FGF12: variants seen among roughly 807,000 people sequenced by gnomAD.
FGF12 encodes fibroblast growth factor 12.
A neutral mutation model predicts 23.6 loss-of-function variants in FGF12; 14 were observed. That is an observed-to-expected ratio of 0.59 (90% confidence interval 0.39 to 0.93). The LOEUF (loss-of-function observed/expected upper bound fraction) is 0.93, where lower values mean the gene tolerates loss of function less well. Ranked by LOEUF, FGF12 falls within the 40% of genes least tolerant of loss-of-function variation. FGF12 has a pLI of 0.00. For synonymous variants in FGF12, 62 were observed against 77.3 expected, an observed-to-expected ratio of 0.80 and a Z score of 1.04; for missense variants, 175 against 217.8, an observed-to-expected ratio of 0.80 and a Z score of 1.24.
At chr3:192,247,642 TC>T (rs1711711044) in intron 4 of FGF12, among the ~76,000 whole-genome samples, 1 of 152,190 alleles carries the variant, frequency 6.6e-6, no homozygotes, top group South Asian at 2.1e-4. Flanking sequence ...ATTTAATAAA[TC>T]ATTTCATTAT....
chr3:192,528,920 C>CA (rs1336376978), intron 2 of FGF12, among the ~76,000 whole-genome samples: 1 of 152,170 alleles, frequency 6.6e-6, no homozygotes, highest in African/African-American at 2.4e-5. Flanking sequence ...GCCCCACTCA[C>CA]AAAACCACGT....
At chr3:192,536,961 C>T (rs1253884784) in intron 2 of FGF12, among the ~76,000 whole-genome samples, 1 of 152,052 alleles carries the variant, frequency 6.6e-6, no homozygotes, top group East Asian at 1.9e-4. Flanking sequence ...ACTACACTTC[C>T]TAGCCTCTGG....
At chr3:192,587,449 A>G (rs1056829931) in intron 2 of FGF12, among the ~76,000 whole-genome samples, 1 of 151,942 alleles carries the variant, frequency 6.6e-6, no homozygotes, top group Non-Finnish European at 1.5e-5. Flanking sequence ...TTTAACAAGC[A>G]TGACAGCTAA....
At chr3:192,222,446 T>A (rs1056608258) in intron 4 of FGF12, among the ~76,000 whole-genome samples, 1 of 152,128 alleles carries the variant, frequency 6.6e-6, no homozygotes, top group African/African-American at 2.4e-5. Context: ...CCAGATTAAT[T>A]TTTTCATTGT....
chr3:192,654,251 T>C (rs753310955), intron 2 of FGF12, among the ~76,000 whole-genome samples: 1 of 152,240 alleles, frequency 6.6e-6, no homozygotes, highest in Non-Finnish European at 1.5e-5. Flanking sequence ...GTTATCTGGC[T>C]GTGCTTCCCA....
In FGF12 at chr3:192,301,946, C is replaced by T. The variant is rs543507208; in HGVS notation, c.228+33415G>A. 2.6e-5 allele frequency among the ~76,000 whole-genome samples: 4 copies of T among 152,222 alleles called. No individual in the cohort carries two copies. In the South Asian group the frequency reaches 8.3e-4, roughly 32 times the overall value. Reference sequence around the variant, plus strand: ...CTTTTATTTACTCTCCAAATCAGAGCCATCTTTTCTCTCTTACACCTTTTG... The same window carrying T: ...CTTTTATTTACTCTCCAAATCAGAGTCATCTTTTCTCTCTTACACCTTTTG... On this transcript the variant is annotated intron_variant, in intron 4 of 5. Coordinates refer to ENST00000445105, the MANE Select transcript of FGF12 (RefSeq NM_004113.6).
At chr3:192,485,617 T>A (rs1723611656) in intron 2 of FGF12, among the ~76,000 whole-genome samples, 1 of 152,038 alleles carries the variant, frequency 6.6e-6, no homozygotes, top group African/African-American at 2.4e-5. Context: ...TCTTCCAAAA[T>A]TTTTTTTAGT....
chr3:192,543,665 C>G (rs542780767), intron 2 of FGF12, among the ~76,000 whole-genome samples: 4 of 152,130 alleles, frequency 2.6e-5, no homozygotes, highest in Non-Finnish European at 5.9e-5. Flanking sequence ...AGGCCCACAG[C>G]GAGTACTGCC....
chr3:192,434,011 G>A (rs7635229), intron 2 of FGF12, among the ~76,000 whole-genome samples: 88,544 of 152,018 alleles, frequency 0.58, 25,835 homozygotes, highest in African/African-American at 0.62. Flanking sequence ...TGTATCCCCA[G>A]TTCAACTTCT....
chr3:192,529,010 T>C (rs963490163), intron 2 of FGF12, among the ~76,000 whole-genome samples: 1 of 152,196 alleles, frequency 6.6e-6, no homozygotes, highest in Non-Finnish European at 1.5e-5. Flanking sequence ...ATTTTTTCAT[T>C]GTCTTGGGGA....
At chr3:192,197,130 A>C (rs1156796952) in intron 4 of FGF12, among the ~76,000 whole-genome samples, 1 of 152,192 alleles carries the variant, frequency 6.6e-6, no homozygotes, top group Non-Finnish European at 1.5e-5. Flanking sequence ...GCCCACCACA[A>C]TCTCTGATTC....
At chr3:192,205,219 G>C (rs993191428) in intron 4 of FGF12, among the ~76,000 whole-genome samples, 5 of 152,130 alleles carry the variant, frequency 3.3e-5, no homozygotes, top group African/African-American at 1.2e-4. Context: ...CAGAATTGTA[G>C]CTAAATCCAA....
chr3:192,578,796 C>T (rs931706542), intron 2 of FGF12, among the ~76,000 whole-genome samples: 2 of 152,120 alleles, frequency 1.3e-5, no homozygotes, highest in Non-Finnish European at 2.9e-5. Context: ...AAATGATTTG[C>T]GGATTTGATT....
At chr3:192,495,296 GTATGTGAATA>G (rs1417493417) in intron 2 of FGF12, among the ~76,000 whole-genome samples, 2 of 152,090 alleles carry the variant, frequency 1.3e-5, no homozygotes, top group Non-Finnish European at 2.9e-5. Flanking sequence ...TTATATATAT[GTATGTGAATA>G]TATAAAGTGT....
chr3:192,449,574 G>A (rs779991949), intron 2 of FGF12, among the ~76,000 whole-genome samples: 3 of 152,102 alleles, frequency 2.0e-5, no homozygotes, highest in African/African-American at 4.8e-5. Context: ...TTTCTCCAAC[G>A]CCCCATTCCT....
intron 2 of FGF12, among the ~76,000 whole-genome samples, chr3:192,461,012 G>A (rs1197798944): frequency 2.6e-5 from 4 of 152,022 alleles, no homozygotes; most frequent in African/African-American, 9.7e-5. Flanking sequence ...AAGTGATATG[G>A]GGGCCAGTTT....
At chr3:192,339,556 C>G (rs944028912) in intron 3 of FGF12, among the ~76,000 whole-genome samples, 3 of 152,150 alleles carry the variant, frequency 2.0e-5, no homozygotes, top group Non-Finnish European at 4.4e-5. Context: ...TAAGTTCCCC[C>G]TCGATCTTTA....
chr3:192,425,880 T>C (rs541394049), intron 2 of FGF12, among the ~76,000 whole-genome samples: 19 of 152,270 alleles, frequency 1.2e-4, no homozygotes, highest in African/African-American at 4.3e-4. Context: ...TTAAATAGTA[T>C]TAAACTAAAT....
At chr3:192,159,305 C>T (rs544051106) in intron 5 of FGF12, among the ~76,000 whole-genome samples, 1 of 152,174 alleles carries the variant, frequency 6.6e-6, no homozygotes, top group Non-Finnish European at 1.5e-5. Flanking sequence ...CTAGACACTC[C>T]AGCAGTGTTG....
Sources: allele counts gnomAD v4.1 joint callset (sites outside exome capture counted in the v4.1 genomes callset), GRCh38; gene constraint gnomAD v4.1.1; transcripts MANE v1.5; gene names NCBI Gene and HGNC (gene_info 2026-07-23, HGNC 2026-07-21).